Variants in DLGAP1 observed in about 807,000 individuals in gnomAD.
DLGAP1 encodes disks large-associated protein 1.
A neutral mutation model predicts 90.8 loss-of-function variants in DLGAP1; 11 were observed. The observed-to-expected ratio is 0.12, with a 90% CI of 0.08 to 0.20. The LOEUF (loss-of-function observed/expected upper bound fraction) is 0.20, where lower values mean the gene tolerates loss of function less well. DLGAP1 is among the 10% of genes least tolerant of loss of function. DLGAP1 has a pLI of 1.00. For synonymous variants in DLGAP1, 558 were observed against 540.7 expected (o/e 1.03, Z -0.44); for missense variants, 1,050 against 1,333.8 (o/e 0.79, Z 3.31).
At position 3,582,120 on chromosome 18, in the gene DLGAP1, G is replaced by C; in HGVS notation, c.1720C>G (p.Gln574Glu). 6.2e-7 allele frequency: 1 copy of C among 1,614,052 alleles called. No individual in the cohort carries two copies. The highest frequency in any genetic ancestry group is 8.5e-7 in the Non-Finnish European group (1 of 1,180,024). Residue 574 changes from glutamine (Q) to glutamate (E), a missense_variant, in exon 8 of 13, where the codon CAG (glutamine) becomes GAG (glutamate). Physicochemically the swap from Gln to Glu is conservative, Grantham distance 29. Around this residue, in one of 2 missense-constraint regions of DLGAP1, gnomAD observed 565 missense variants for 879.7 expected, o/e 0.64. Transcript: ENST00000315677. ...CTGATAATATCTCCTCGCTGGCCCTGTCCGTCCATGTAGGCATCCTGGGCT... is the reference window on the plus strand; with the variant it reads ...CTGATAATATCTCCTCGCTGGCCCTCTCCGTCCATGTAGGCATCCTGGGCT... ...ESAQDAYMDGQGQRGDIISQS... is the reference protein window; with the variant it reads ...ESAQDAYMDGEGQRGDIISQS...
At chr18:3,808,525 A>T (rs982621577) in intron 5 of DLGAP1, among the ~76,000 whole-genome samples, 1 of 152,184 alleles carries the variant, frequency 6.6e-6, no homozygotes, top group African/African-American at 2.4e-5. Context: ...TATACGTTAC[A>T]ATGATACGGA....
At chr18:3,991,963 T>C (rs930956944) in intron 3 of DLGAP1, among the ~76,000 whole-genome samples, 2 of 152,202 alleles carry the variant, frequency 1.3e-5, no homozygotes, top group African/African-American at 4.8e-5. Flanking sequence ...TTTTTATCTC[T>C]GGAGACTCAG....
At chr18:4,235,491 C>T (rs1174413996) in intron 1 of DLGAP1, among the ~76,000 whole-genome samples, 1 of 152,026 alleles carries the variant, frequency 6.6e-6, no homozygotes, top group African/African-American at 2.4e-5. Context: ...ATGAAATTAT[C>T]TAAGCTTTGT....
intron 9 of DLGAP1, among the ~76,000 whole-genome samples, chr18:3,544,202 C>G (rs543254878): frequency 6.6e-6 from 1 of 152,116 alleles, no homozygotes; most frequent in Non-Finnish European, 1.5e-5. Context: ...CCAGCCTGGC[C>G]AACATGGCGA....
At chr18:3,981,968 G>A (rs2073740212) in intron 3 of DLGAP1, among the ~76,000 whole-genome samples, 1 of 151,596 alleles carries the variant, frequency 6.6e-6, no homozygotes. Context: ...TTATATTATT[G>A]GTTACTATTT....
rs1599358134 is a variant in DLGAP1, at chr18:3,581,861, A to G, written c.1965+14T>C. Reference sequence around the variant, plus strand: ...TAAGTTCCTATTTCAAAGGATAGAAAGGGAGGCTGTTACCTGTATCCCGAT... The same window carrying G: ...TAAGTTCCTATTTCAAAGGATAGAAGGGGAGGCTGTTACCTGTATCCCGAT... On this transcript the variant is annotated intron_variant, in intron 8 of 12. Transcript: ENST00000315677. 1 of 1,611,400 alleles carries G rather than the reference A, an allele frequency of 6.2e-7. No homozygotes were observed. The highest frequency in any genetic ancestry group is 2.2e-5 in the East Asian group (1 of 44,850).
At chr18:3,567,087 C>G (rs1457227589) in intron 9 of DLGAP1, among the ~76,000 whole-genome samples, 1 of 149,372 alleles carries the variant, frequency 6.7e-6, no homozygotes, top group Admixed American at 6.7e-5. Context: ...ATTCATTCAT[C>G]ATTCATTGAG....
At chr18:3,975,075 T>C (rs1171900526) in intron 3 of DLGAP1, among the ~76,000 whole-genome samples, 2 of 152,064 alleles carry the variant, frequency 1.3e-5, no homozygotes, top group African/African-American at 4.8e-5. Flanking sequence ...AGAGTTTCAG[T>C]TTTGCAAGAT....
At chr18:3,921,301 T>C (rs1599162208) in intron 3 of DLGAP1, among the ~76,000 whole-genome samples, 1 of 152,204 alleles carries the variant, frequency 6.6e-6, no homozygotes, top group African/African-American at 2.4e-5. Flanking sequence ...TAAGAGTTTA[T>C]TTATTTGAGA....
chr18:3,683,483 G>A (rs2060591292), intron 7 of DLGAP1, among the ~76,000 whole-genome samples: 1 of 152,146 alleles, frequency 6.6e-6, no homozygotes. Context: ...TATCAAGAGA[G>A]AAACTTTTTT....
chr18:4,250,857 A>G (rs2078764168), intron 1 of DLGAP1, among the ~76,000 whole-genome samples: 1 of 152,162 alleles, frequency 6.6e-6, no homozygotes. Flanking sequence ...AAGAAAATAA[A>G]ACCCTAAAGT....
intron 5 of DLGAP1, among the ~76,000 whole-genome samples, chr18:3,746,135 C>G (rs1238077052): frequency 6.6e-6 from 1 of 151,998 alleles, no homozygotes; most frequent in African/African-American, 2.4e-5. Flanking sequence ...TTGGAATAGG[C>G]AAGGAAAAGA....
At chr18:4,309,517 A>G (rs1354344540) in intron 1 of DLGAP1, among the ~76,000 whole-genome samples, 1 of 152,212 alleles carries the variant, frequency 6.6e-6, no homozygotes, top group Non-Finnish European at 1.5e-5. Context: ...AGCACTAAGA[A>G]GAGCCTCTAT....
At chr18:3,967,184 C>T (rs889790631) in intron 3 of DLGAP1, among the ~76,000 whole-genome samples, 2 of 152,172 alleles carry the variant, frequency 1.3e-5, no homozygotes, top group African/African-American at 4.8e-5. Context: ...GTGCCTACCA[C>T]ATTGTAGAGG....
intron 1 of DLGAP1, among the ~76,000 whole-genome samples, chr18:4,400,168 A>G (rs1312901537): frequency 6.6e-6 from 1 of 151,980 alleles, no homozygotes; most frequent in Non-Finnish European, 1.5e-5. Flanking sequence ...CACGCCCCTG[A>G]GCATCTGCCT....
rs111849635 is a variant in DLGAP1 at position 3,656,233 on chromosome 18, C to T, written c.1591+72902G>A. The T allele has an allele frequency of 1.9e-3, 1,341 of 716,738 alleles. 10 individuals carry two copies. In the African/African-American group the frequency reaches 0.02, roughly 11 times the overall value. The allele number at this position is 716,738 out of a possible 1,614,324, so 44.4% of individuals were successfully genotyped here. On this transcript the variant is annotated intron_variant, in intron 7 of 12. Transcript: ENST00000315677. ...TCTTTTTCTGCTGGCATTGCAAGAA[C>T]GTAACTAAACAAATATCAACTTCAA...
intron 1 of DLGAP1, among the ~76,000 whole-genome samples, chr18:4,230,048 T>C (rs563296494): frequency 7.0e-4 from 107 of 152,212 alleles, no homozygotes; most frequent in Non-Finnish European, 9.9e-4. Flanking sequence ...GTCACCATCA[T>C]TGATCATCTA....
chr18:3,656,764 G>T (rs945544734), intron 7 of DLGAP1, among the ~76,000 whole-genome samples: 3 of 150,800 alleles, frequency 2.0e-5, no homozygotes, highest in Non-Finnish European at 4.4e-5. Flanking sequence ...ACAGAGTCTC[G>T]CTCTGTCACC....
intron 1 of DLGAP1, among the ~76,000 whole-genome samples, chr18:4,314,306 G>A (rs761538884): frequency 1.3e-5 from 2 of 152,142 alleles, no homozygotes; most frequent in Non-Finnish European, 2.9e-5. Flanking sequence ...GAGAAAGGAA[G>A]TCTGTAAGTA....
Sources: gnomAD v4.1 joint callset for allele counts (sites outside exome capture counted in the v4.1 genomes callset) on GRCh38, gnomAD v4.1.1 for gene constraint, gnomAD v4.1.1 regional missense constraint, MANE v1.5 for transcripts, NCBI Gene and HGNC (gene_info 2026-07-23, HGNC 2026-07-21) for gene names.